Variants in SVBP observed in about 807,000 individuals in gnomAD.
The protein encoded by SVBP is small vasohibin binding protein, also known as small vasohibin-binding protein.
A neutral mutation model predicts 9.2 loss-of-function variants in SVBP; 9 were observed. That is an observed-to-expected ratio of 0.98 (90% CI 0.59 to 1.71). The LOEUF (loss-of-function observed/expected upper bound fraction) is 1.71. SVBP is among the 40% of genes most tolerant of loss of function. The probability of loss-of-function intolerance (pLI) is 0.00; values close to 1 mark genes in which losing one functional copy is unlikely to be tolerated. For synonymous variants in SVBP, 27 were observed against 23.9 expected (o/e 1.13, Z -0.37); for missense variants, 63 against 73.2 (o/e 0.86, Z 0.51).
intron 2 of SVBP, chr1:42,813,421 G>A (rs1469361197): frequency 1.6e-5 from 9 of 567,892 alleles, no homozygotes; most frequent in Middle Eastern, 3.2e-4. Context: ...GGGCCCAAGC[G>A]TTCCTTCATC....
intron 2 of SVBP, among the ~76,000 whole-genome samples, chr1:42,814,516 C>T (rs192187488): frequency 1.3e-5 from 2 of 151,938 alleles, no homozygotes; most frequent in Non-Finnish European, 2.9e-5. Flanking sequence ...CTCTGGAGGC[C>T]GAGGCAGGAG....
chr1:42,811,616 G>C (rs934722890), intron 2 of SVBP, among the ~76,000 whole-genome samples: 10 of 152,342 alleles, frequency 6.6e-5, no homozygotes, highest in African/African-American at 2.4e-4. Context: ...GTTATCAAAT[G>C]CTTCCTCTGC....
chr1:42,808,316 A>G (rs1255720859), intron 2 of SVBP, among the ~76,000 whole-genome samples: 1 of 145,722 alleles, frequency 6.9e-6, no homozygotes, highest in Non-Finnish European at 1.5e-5. Flanking sequence ...GACATGACAG[A>G]TCCTCCGCCT....
chr1:42,809,262 G>A (rs1654030430), intron 2 of SVBP: 1 of 152,186 alleles, frequency 6.6e-6, no homozygotes, highest in Non-Finnish European at 1.5e-5. Context: ...GTGTGTGTGT[G>A]TAGAGGAGCT....
intron 2 of SVBP, among the ~76,000 whole-genome samples, chr1:42,807,790 A>T (rs952430661): frequency 1.3e-5 from 2 of 152,112 alleles, no homozygotes; most frequent in African/African-American, 4.8e-5. Flanking sequence ...GGAACCAGTG[A>T]AGTAGAAGTT....
chr1:42,807,764 G>A (rs1025590226), intron 2 of SVBP, among the ~76,000 whole-genome samples: 3 of 152,148 alleles, frequency 2.0e-5, no homozygotes, highest in African/African-American at 7.2e-5. Context: ...GCAAGCATGT[G>A]GCCAATTGAG....
intron 2 of SVBP, among the ~76,000 whole-genome samples, chr1:42,808,396 TAGTATATAAGCTATATATACTGTATAC>T (rs1654012808): frequency 6.9e-6 from 1 of 144,696 alleles, no homozygotes; most frequent in Non-Finnish European, 1.5e-5. Context: ...AGGCTATATA[TAGTATATAAGCTATATATACTGTATAC>T]AGTATATATA....
At chr1:42,812,463 CT>C (rs1234122361) in intron 2 of SVBP, among the ~76,000 whole-genome samples, 14 of 152,166 alleles carry the variant, frequency 9.2e-5, no homozygotes, top group Admixed American at 3.3e-4. Flanking sequence ...TTATTTCCCC[CT>C]AACATAATTT....
At position 42,808,149 on chromosome 1, in the gene SVBP, G is replaced by GTATATA. The variant is rs781743959; in HGVS notation, c.115-655_115-650dup. 4.8e-3 allele frequency among the ~76,000 whole-genome samples: 278 copies of GTATATA among 58,228 alleles called. 1 individual carries two copies. Among genetic ancestry groups the GTATATA allele is most frequent in the Non-Finnish European group, 6.1e-3 (187 of 30,814 alleles). The allele number at this position is 58,228 out of a possible 152,430, so 38.2% of individuals were successfully genotyped here. Reference sequence around the variant, plus strand: ...ATGTGAATATAGTGTGTGTGTGTGTGTATATATATATATATATATATATAT... The same window carrying GTATATA: ...ATGTGAATATAGTGTGTGTGTGTGTGTATATATATATATATATATATATATATATAT... On this transcript the variant is annotated intron_variant, in intron 2 of 2. Coordinates refer to ENST00000372521, the MANE Select transcript of SVBP (RefSeq NM_199342.4).
At chr1:42,812,379 C>G (rs1323439540) in intron 2 of SVBP, among the ~76,000 whole-genome samples, 2 of 152,218 alleles carry the variant, frequency 1.3e-5, no homozygotes, top group Non-Finnish European at 2.9e-5. Context: ...ACACAGTCAA[C>G]ACACCACCAT....
At chr1:42,816,917 C>A (rs1654227826) in intron 1 of SVBP, 1 of 182,144 alleles carries the variant, frequency 5.5e-6, no homozygotes. Flanking sequence ...CGTGCGGCAC[C>A]CAGCGCGGAA....
At chr1:42,808,262 A>AGC (rs1654009556) in intron 2 of SVBP, among the ~76,000 whole-genome samples, 1 of 145,064 alleles carries the variant, frequency 6.9e-6, no homozygotes, top group African/African-American at 2.5e-5. Context: ...TATATACTAT[A>AGC]GCTTATATAT....
chr1:42,816,475 G>GT lies in SVBP; in HGVS notation c.69dup (p.Gln24ThrfsTer32). 6.2e-7 allele frequency: 1 copy of GT among 1,614,090 alleles called. No individual in the cohort carries two copies. The highest frequency in any genetic ancestry group is 2.2e-5 in the East Asian group (1 of 44,874). On this transcript the variant is annotated frameshift_variant, in exon 2 of 3. Coordinates refer to ENST00000372521, the MANE Select transcript of SVBP (RefSeq NM_199342.4). LOFTEE classifies it high-confidence loss of function. ...TTCAGCTCCTGCTGGGCTGATTTCT[G>GT]TTTGGCCTTCTCAACTCTGCTGACA...
intron 2 of SVBP, chr1:42,813,898 G>A (rs1412796543): frequency 8.3e-6 from 2 of 241,286 alleles, no homozygotes; most frequent in South Asian, 4.5e-5. Context: ...GCTCTCAGGG[G>A]GTCTGCCTTA....
intron 1 of SVBP, 33 bp downstream of exon 1, chr1:42,817,157 G>A: frequency 8.3e-7 from 1 of 1,203,538 alleles, no homozygotes; most frequent in South Asian, 1.4e-5. Context: ...GCGGTCGCTG[G>A]AGCCGCCGAC....
At position 42,817,256 on chromosome 1, in the gene SVBP, A is replaced by G. The variant is rs1405983805; in HGVS notation, c.-103T>C. 1.6e-6 allele frequency: 2 copies of G among 1,248,806 alleles called. No individual in the cohort carries two copies. Among genetic ancestry groups the G allele is most frequent in the East Asian group, 7.8e-5 (1 of 12,790 alleles). 77.4% of individuals were successfully genotyped at this position (1,248,806 alleles called of 1,614,324 possible). ...TCGCAGACAACGCCTCCGGGAGGGT[A>G]ATCCTCGCCTTCCCCCGACCACTGG... On this transcript the variant is annotated 5_prime_UTR_variant, in exon 1 of 3. Coordinates refer to ENST00000372521, the MANE Select transcript of SVBP (RefSeq NM_199342.4).
Position 42,807,145 on chromosome 1 carries a change from TTG to T in SVBP, c.*267_*268del, listed in dbSNP as rs201963218. Reference sequence around the variant, plus strand: ...TCTCAAACAATAGAAAAAGTGTTTTTTGTGTGTGTTTTTTTTTTTTTTTTAAA... The same window carrying T: ...TCTCAAACAATAGAAAAAGTGTTTTTTGTGTGTTTTTTTTTTTTTTTTAAA... On this transcript the variant is annotated 3_prime_UTR_variant, in exon 3 of 3. Transcript: ENST00000372521. 541 of 256,764 alleles carry T rather than the reference TTG, an allele frequency of 2.1e-3. 2 individuals are homozygous for T. Among genetic ancestry groups the T allele is most frequent in the Non-Finnish European group, 2.8e-3 (408 of 143,370 alleles). 15.9% of individuals were successfully genotyped at this position (256,764 alleles called of 1,614,324 possible).
chr1:42,814,328 G>A (rs532041381), intron 2 of SVBP, among the ~76,000 whole-genome samples: 7 of 151,576 alleles, frequency 4.6e-5, no homozygotes, highest in Admixed American at 3.3e-4. Flanking sequence ...CGCCTGCCTC[G>A]GACTCCCAAA....
At chr1:42,809,566 C>T (rs535788214) in intron 2 of SVBP, among the ~76,000 whole-genome samples, 1 of 152,074 alleles carries the variant, frequency 6.6e-6, no homozygotes, top group African/African-American at 2.4e-5. Context: ...TTATGAACTC[C>T]GTGCCAACAC....
Sources: allele counts gnomAD v4.1 joint callset (sites outside exome capture counted in the v4.1 genomes callset), GRCh38; gene constraint gnomAD v4.1.1; transcripts MANE v1.5; gene names NCBI Gene and HGNC (gene_info 2026-07-23, HGNC 2026-07-21).